DDB1: variants seen among roughly 807,000 people sequenced by gnomAD.
DDB1 encodes the protein damage specific DNA binding protein 1, also known as DNA damage-binding protein 1.
In DDB1, 18 loss-of-function variants were observed where a neutral mutation model predicts 133.1. That is an observed-to-expected ratio of 0.14 (90% CI 0.09 to 0.20). The LOEUF (loss-of-function observed/expected upper bound fraction) is 0.20. Among genes scored for constraint, DDB1 ranks in the 10% least tolerant of loss-of-function variants. The probability of loss-of-function intolerance (pLI) is 1.00; values close to 1 mark genes in which losing one functional copy is unlikely to be tolerated. For missense variants in DDB1, 828 were observed against 1,459.2 expected, an observed-to-expected ratio of 0.57 and a Z score of 7.05; for synonymous variants, 580 against 550.5, an observed-to-expected ratio of 1.05 and a Z score of -0.75.
At chr11:61,309,725 A>C (rs1855931878) in intron 20 of DDB1, 71 bp downstream of exon 20, 1 of 1,538,422 alleles carries the variant, frequency 6.5e-7, no homozygotes, top group Non-Finnish European at 8.8e-7. Flanking sequence ...GGCTCTCTGA[A>C]ACCTCACAAT....
rs1002972763 is a variant in DDB1, at chr11:61,309,664, G to A, written c.2566+132C>T. ...CTCCAAAATTCAATCAAATAAAGAA[G>A]AGAATAGCTCTTTACAGCAATGAAC... On this transcript the variant is annotated intron_variant, in intron 20 of 26. Coordinates refer to ENST00000301764, the MANE Select transcript of DDB1 (RefSeq NM_001923.5). The A allele has an allele frequency of 9.0e-6, 8 of 887,474 alleles. 1 individual carries two copies. In the Admixed American group the frequency reaches 2.0e-4, roughly 22 times the overall value. 55.0% of individuals were successfully genotyped at this position (887,474 alleles called of 1,614,324 possible). A position where few individuals can be genotyped will look rare whatever the true frequency, so the allele number is the denominator to read the frequency against.
At chr11:61,325,194 C>T (rs1242517081) in intron 6 of DDB1, among the ~76,000 whole-genome samples, 1 of 151,882 alleles carries the variant, frequency 6.6e-6, no homozygotes, top group Non-Finnish European at 1.5e-5. Context: ...TTAAAGTTGC[C>T]CCATGTGGTA....
chr11:61,327,619 T>C (rs989217881), intron 4 of DDB1: 5 of 152,210 alleles, frequency 3.3e-5, no homozygotes, highest in Non-Finnish European at 7.3e-5. Context: ...GAGAACACAA[T>C]TGATTGCTCC....
At chr11:61,319,170 T>C (rs1175980747) in intron 10 of DDB1, among the ~76,000 whole-genome samples, 2 of 152,194 alleles carry the variant, frequency 1.3e-5, no homozygotes, top group Non-Finnish European at 2.9e-5. Context: ...CATGCCACTG[T>C]ACCCCAGCCT....
intron 2 of DDB1, 164 bp from the exon 3 acceptor site, chr11:61,330,238 T>C: frequency 4.0e-6 from 2 of 495,538 alleles, no homozygotes; most frequent in Non-Finnish European, 7.1e-6. Flanking sequence ...ACATACACCC[T>C]AAGGGCATGT....
chr11:61,314,593 A>G (rs956745746), intron 12 of DDB1, 107 bp from the exon 13 acceptor site: 102 of 1,113,924 alleles, frequency 9.2e-5, no homozygotes, highest in South Asian at 6.9e-4. Flanking sequence ...AATAAGCTAC[A>G]TGAGGCTTCT....
intron 4 of DDB1, among the ~76,000 whole-genome samples, chr11:61,328,733 T>C (rs1207378140): frequency 2.6e-5 from 4 of 152,130 alleles, no homozygotes; most frequent in African/African-American, 9.7e-5. Context: ...TAGCTGGGCG[T>C]GGTGGCATGC....
chr11:61,310,522 G>C (rs1590684656), intron 18 of DDB1, 104 bp from the exon 19 acceptor site: 2 of 1,348,368 alleles, frequency 1.5e-6, no homozygotes, highest in Admixed American at 6.3e-5. Flanking sequence ...GCTGCAGCTA[G>C]CCAAGAACTC....
In DDB1 at chr11:61,325,619, T is replaced by C. The variant is rs1200909412; in HGVS notation, c.754A>G (p.Ile252Val). 6 of 1,613,642 alleles carry C rather than the reference T, an allele frequency of 3.7e-6. No individual in the cohort carries two copies. Among genetic ancestry groups the C allele is most frequent in the Middle Eastern group, 1.6e-4 (1 of 6,070 alleles). ...GGTAGGACTGCGCTCACCTTGATGATAGGAGGGGCAATAGCCAGGTATTTG... is the reference window on the plus strand; with the variant it reads ...GGTAGGACTGCGCTCACCTTGATGACAGGAGGGGCAATAGCCAGGTATTTG... ...GDKYLAIAPP[I>V]IKQSTIVCHN... Residue 252 changes from isoleucine (I) to valine (V), a missense_variant, in exon 6 of 27, where the codon ATC (isoleucine) becomes GTC (valine). Around this residue, in one of 7 missense-constraint regions of DDB1, gnomAD observed 210 missense variants for 344.8 expected, o/e 0.61. Transcript: ENST00000301764.
Position 61,322,341 on chromosome 11 carries a change from A to G in DDB1, c.1077T>C (p.Ile359=), listed in dbSNP as rs750004158. ...CCAGGTCCACCACGCACATATCGAC[A>G]ATGGGTCCTAAGTTGGTAAAGGTTT... ...AMETFTNLGP[I]VDMCVVDLER... The change falls in exon 9 of 27, where the codon ATT becomes ATC. Residue 359 remains isoleucine (I), a synonymous_variant. Transcript: ENST00000301764. 2 of 1,614,146 alleles carry G rather than the reference A, an allele frequency of 1.2e-6. No individual in the cohort carries two copies. Among genetic ancestry groups the G allele is most frequent in the South Asian group, 2.2e-5 (2 of 91,076 alleles).
At chr11:61,325,569 G>C in intron 6 of DDB1, 42 bp downstream of exon 6, 1 of 1,544,128 alleles carries the variant, frequency 6.5e-7, no homozygotes, top group South Asian at 1.1e-5. Flanking sequence ...TGAGGACAAG[G>C]AAAGAAAAGA....
chr11:61,330,282 A>G, intron 2 of DDB1: 1 of 419,728 alleles, frequency 2.4e-6, no homozygotes, highest in Non-Finnish European at 4.2e-6. Flanking sequence ...GTAAACATCT[A>G]GTTCTCACTT....
intron 6 of DDB1, among the ~76,000 whole-genome samples, chr11:61,325,326 A>T (rs1278354971): frequency 1.3e-5 from 2 of 152,156 alleles, no homozygotes; most frequent in African/African-American, 4.8e-5. Context: ...AGCCTGAGCG[A>T]CAGAGTAAGA....
In DDB1 at chr11:61,313,633, A is replaced by G. The variant is rs1007245072; in HGVS notation, c.1935T>C (p.Ser645=). Residue 645 remains serine, a synonymous_variant, in exon 16 of 27, where the codon TCT becomes TCC. Transcript: ENST00000301764. The part of the protein sequence containing the change: ...PTVLRTFRSL[S]TTNVFACSDR... ...CAGAACAAGCAAAGACGTTGGTGGT[A>G]GAAAGAGAACGAAAAGTCCTCAATA... The G allele has an allele frequency of 6.2e-7, 1 of 1,614,196 alleles. No homozygotes were observed. Among genetic ancestry groups the G allele is most frequent in the Non-Finnish European group, 8.5e-7 (1 of 1,180,042 alleles).
intron 22 of DDB1, 131 bp downstream of exon 22, chr11:61,303,734 T>G: frequency 1.5e-6 from 1 of 666,418 alleles, no homozygotes; most frequent in African/African-American, 2.0e-5. Context: ...ACTTAATCAA[T>G]GTAGAATGTC....
chr11:61,326,023 A>G (rs1172822998), intron 5 of DDB1: 2 of 409,320 alleles, frequency 4.9e-6, no homozygotes, highest in African/African-American at 4.1e-5. Flanking sequence ...ATCCTTTCCA[A>G]GTAAAAGCTT....
intron 24 of DDB1, 44 bp downstream of exon 24, chr11:61,302,538 G>A: frequency 1.9e-6 from 3 of 1,610,352 alleles, no homozygotes; most frequent in Non-Finnish European, 2.5e-6. Flanking sequence ...CTGGTATCAG[G>A]AAGGAGGCCT....
At chr11:61,324,824 G>C (rs1378189382) in intron 6 of DDB1, among the ~76,000 whole-genome samples, 1 of 152,100 alleles carries the variant, frequency 6.6e-6, no homozygotes, top group East Asian at 1.9e-4. Context: ...TATATGACTT[G>C]AGCCCTGAAA....
intron 2 of DDB1, among the ~76,000 whole-genome samples, chr11:61,330,647 G>T (rs528186591): frequency 6.6e-6 from 1 of 151,988 alleles, no homozygotes; most frequent in Non-Finnish European, 1.5e-5. Flanking sequence ...AATACTGATG[G>T]TAATTGTTTT....
Sources: gnomAD v4.1 joint callset for allele counts (sites outside exome capture counted in the v4.1 genomes callset) on GRCh38, gnomAD v4.1.1 for gene constraint, gnomAD v4.1.1 regional missense constraint, MANE v1.5 for transcripts, NCBI Gene and HGNC (gene_info 2026-07-23, HGNC 2026-07-21) for gene names.